PTN: variants seen among roughly 807,000 people sequenced by gnomAD.
The protein encoded by PTN is pleiotrophin.
Under a neutral mutation model 24.1 loss-of-function variants are expected in PTN, and 18 were observed. That is an observed-to-expected ratio of 0.75 (90% CI 0.52 to 1.11). The LOEUF (loss-of-function observed/expected upper bound fraction) is 1.11. PTN is among the 50% of genes least tolerant of loss of function. PTN has a pLI of 0.00. For missense variants in PTN, 163 were observed against 198.8 expected (o/e 0.82, Z 1.08); for synonymous variants, 78 against 68.6 (o/e 1.14, Z -0.67).
intron 1 of PTN, among the ~76,000 whole-genome samples, chr7:137,301,344 G>A (rs1316228024): frequency 6.6e-6 from 1 of 151,916 alleles, no homozygotes; most frequent in Admixed American, 6.6e-5. Flanking sequence ...GCTCCTCATA[G>A]CACCTGTACC....
At chr7:137,298,794 T>C (rs1384449212) in intron 1 of PTN, among the ~76,000 whole-genome samples, 1 of 151,988 alleles carries the variant, frequency 6.6e-6, no homozygotes, top group East Asian at 1.9e-4. Context: ...CTGTTTTGGT[T>C]TCTTATCCAA....
intron 1 of PTN, among the ~76,000 whole-genome samples, chr7:137,336,970 A>G (rs1810459269): frequency 6.6e-6 from 1 of 152,194 alleles, no homozygotes; most frequent in African/African-American, 2.4e-5. Context: ...CAGAGCTACT[A>G]AGAAGTGCAG....
At chr7:137,268,548 T>C (rs1484551945) in intron 1 of PTN, among the ~76,000 whole-genome samples, 1 of 152,106 alleles carries the variant, frequency 6.6e-6, no homozygotes, top group African/African-American at 2.4e-5. Flanking sequence ...AGGGGGTACG[T>C]GATAGGGGCT....
At chr7:137,230,152 A>G (rs1808403644) in intron 4 of PTN, among the ~76,000 whole-genome samples, 1 of 151,886 alleles carries the variant, frequency 6.6e-6, no homozygotes, top group African/African-American at 2.4e-5. Flanking sequence ...TTTGTATAAA[A>G]GTTTCATAAA....
chr7:137,333,535 C>T (rs903112117), intron 1 of PTN, among the ~76,000 whole-genome samples: 19 of 152,136 alleles, frequency 1.2e-4, no homozygotes, highest in African/African-American at 4.6e-4. Context: ...TGGATGATTC[C>T]TGGTCTAGTT....
At chr7:137,278,340 G>GAAAAAAAAAAAA (rs1554466606) in intron 1 of PTN, among the ~76,000 whole-genome samples, 3 of 97,346 alleles carry the variant, frequency 3.1e-5, no homozygotes, top group Admixed American at 9.6e-5. Context: ...AAAAAAAAAT[G>GAAAAAAAAAAAA]ACTACTAATC....
intron 1 of PTN, among the ~76,000 whole-genome samples, chr7:137,316,418 C>T (rs957466926): frequency 6.6e-6 from 1 of 152,092 alleles, no homozygotes; most frequent in African/African-American, 2.4e-5. Flanking sequence ...ATAAGTCTTA[C>T]AAGAAAGTCT....
rs1809476251 is a variant in PTN at position 137,281,623 on chromosome 7, G to A, written c.-1-26649C>T. ...CTCTTATTTCTGCACATGAAAGTTT[G>A]AGAAACTCTTCTAAACCACAATTTC... On this transcript the variant is annotated intron_variant, in intron 1 of 4. Coordinates refer to ENST00000348225, the MANE Select transcript of PTN (RefSeq NM_002825.7). 1.3e-4 allele frequency among the ~76,000 whole-genome samples: 20 copies of A among 152,282 alleles called. 1 individual carries two copies. In the South Asian group the frequency reaches 4.1e-3, roughly 32 times the overall value.
intron 1 of PTN, among the ~76,000 whole-genome samples, chr7:137,338,893 CA>C (rs1419749366): frequency 6.6e-5 from 10 of 151,976 alleles, no homozygotes; most frequent in Non-Finnish European, 1.0e-4. Context: ...CAATTCTCTT[CA>C]GATCTGAGAA....
At chr7:137,297,290 C>T (rs996855810) in intron 1 of PTN, among the ~76,000 whole-genome samples, 4 of 152,058 alleles carry the variant, frequency 2.6e-5, no homozygotes, top group African/African-American at 4.8e-5. Flanking sequence ...CCATTGCATA[C>T]GTGGAGGTGG....
At chr7:137,339,568 C>CAAAA (rs58934357) in intron 1 of PTN, among the ~76,000 whole-genome samples, 67 of 123,678 alleles carry the variant, frequency 5.4e-4, no homozygotes, top group Admixed American at 1.1e-3. Flanking sequence ...GGTCTTGAAT[C>CAAAA]AAAAAAAAAA....
intron 1 of PTN, among the ~76,000 whole-genome samples, chr7:137,300,919 T>C (rs1809796033): frequency 6.7e-6 from 1 of 150,162 alleles, no homozygotes; most frequent in South Asian, 2.1e-4. Flanking sequence ...GCCACCTTAT[T>C]GGGGATCAGC....
At chr7:137,248,883 A>C (rs1808772397) in intron 4 of PTN, among the ~76,000 whole-genome samples, 1 of 152,180 alleles carries the variant, frequency 6.6e-6, no homozygotes, top group Admixed American at 6.5e-5. Context: ...TCATATTTTC[A>C]ATTAATTATA....
At chr7:137,248,457 G>A (rs1246761565) in intron 4 of PTN, among the ~76,000 whole-genome samples, 17 of 152,112 alleles carry the variant, frequency 1.1e-4, no homozygotes, top group South Asian at 2.1e-4. Flanking sequence ...AGGCCAAGGC[G>A]GGTGTATCAT....
intron 1 of PTN, among the ~76,000 whole-genome samples, chr7:137,340,852 A>T (rs1282868773): frequency 6.6e-6 from 1 of 152,176 alleles, no homozygotes; most frequent in East Asian, 1.9e-4. Flanking sequence ...CACTCATCAC[A>T]TTGGGTGGTC....
At chr7:137,271,129 C>G (rs1809264916) in intron 1 of PTN, among the ~76,000 whole-genome samples, 2 of 152,192 alleles carry the variant, frequency 1.3e-5, no homozygotes, top group South Asian at 4.1e-4. Flanking sequence ...CAATTTCTCA[C>G]TCTTATTGGC....
At chr7:137,332,335 T>G (rs1810372671) in intron 1 of PTN, among the ~76,000 whole-genome samples, 1 of 152,180 alleles carries the variant, frequency 6.6e-6, no homozygotes, top group African/African-American at 2.4e-5. Flanking sequence ...ATGGGAAAAA[T>G]AATGTGTTTC....
intron 4 of PTN, among the ~76,000 whole-genome samples, chr7:137,244,526 C>G (rs985579816): frequency 2.6e-5 from 4 of 151,762 alleles, no homozygotes; most frequent in South Asian, 2.1e-4. Flanking sequence ...GCTATCCCTC[C>G]CCCCTCCTCC....
chr7:137,278,963 T>TAAC (rs1460175742), intron 1 of PTN, among the ~76,000 whole-genome samples: 11 of 145,012 alleles, frequency 7.6e-5, no homozygotes, highest in African/African-American at 2.8e-4. Context: ...ATAATAATAA[T>TAAC]AATAATAATA....
Sources: allele counts gnomAD v4.1 joint callset (sites outside exome capture counted in the v4.1 genomes callset), GRCh38; gene constraint gnomAD v4.1.1; transcripts MANE v1.5; gene names NCBI Gene and HGNC (gene_info 2026-07-23, HGNC 2026-07-21).